The following KIAA1328 variants were observed in gnomAD, a reference collection of about 807,000 sequenced individuals.
KIAA1328 encodes protein hinderin.
Under a neutral mutation model 68.1 loss-of-function variants are expected in KIAA1328, and 52 were observed. The observed-to-expected ratio is 0.76, with a 90% CI of 0.61 to 0.96. KIAA1328 has a LOEUF of 0.96. Ranked by LOEUF, KIAA1328 falls within the 40% of genes least tolerant of loss-of-function variation. KIAA1328 has a pLI of 0.00. For missense variants in KIAA1328, 641 were observed against 677.6 expected (o/e 0.95, Z 0.60); for synonymous variants, 232 against 239.4 (o/e 0.97, Z 0.28).
rs573579866 is a variant in KIAA1328 at position 37,222,369 on chromosome 18, G to T, written c.*142G>T. The T allele has an allele frequency of 1.5e-4, 215 of 1,452,660 alleles. 1 individual carries two copies. Among genetic ancestry groups the T allele is most frequent in the Admixed American group, 1.1e-3 (42 of 37,722 alleles). The allele number at this position is 1,452,660 out of a possible 1,614,324, so 90.0% of individuals were successfully genotyped here. ...AGCATCCTGTTACGTATTGAATATA[G>T]AAATCATTCTAACAACCCAGGTTAT... is the stretch of plus-strand genomic sequence containing the variant. On this transcript the variant is annotated 3_prime_UTR_variant, in exon 10 of 10. Transcript: ENST00000280020.
chr18:37,223,645 A>G lies in KIAA1328; in HGVS notation c.*1418A>G, dbSNP rs1234823348. ...GTTGGTAGACAAAGTCATACCACCC[A>G]GGGCAGCCTGCATGCAGCGAGTCTG... On this transcript the variant is annotated 3_prime_UTR_variant, in exon 10 of 10. Coordinates refer to ENST00000280020, the MANE Select transcript of KIAA1328 (RefSeq NM_020776.3). 1.0e-6 allele frequency: 1 copy of G among 985,288 alleles called. No homozygotes were observed. The highest frequency in any genetic ancestry group is 1.2e-6 in the Non-Finnish European group (1 of 829,938). 61.0% of individuals were successfully genotyped at this position (985,288 alleles called of 1,614,324 possible). A position where few individuals can be genotyped will look rare whatever the true frequency, so the allele number is the denominator to read the frequency against.
intron 6 of KIAA1328, among the ~76,000 whole-genome samples, chr18:37,039,507 G>A (rs1477144610): frequency 6.6e-6 from 1 of 151,920 alleles, no homozygotes; most frequent in Non-Finnish European, 1.5e-5. Flanking sequence ...CCTCATCCCA[G>A]GTTCAAGCAA....
intron 6 of KIAA1328, 122 bp from the exon 7 acceptor site, chr18:37,066,768 T>C (rs2056351754): frequency 1.1e-5 from 10 of 914,746 alleles, no homozygotes; most frequent in Non-Finnish European, 1.1e-5. Flanking sequence ...TATAATTTAA[T>C]ATTTAAGACA....
intron 5 of KIAA1328, among the ~76,000 whole-genome samples, chr18:36,916,105 A>T (rs1297223989): frequency 6.6e-6 from 1 of 152,176 alleles, no homozygotes; most frequent in Non-Finnish European, 1.5e-5. Context: ...TTTTGAACAT[A>T]AACATTTATA....
chr18:37,153,036 G>A (rs1449837462), intron 7 of KIAA1328, among the ~76,000 whole-genome samples: 1 of 152,160 alleles, frequency 6.6e-6, no homozygotes, highest in Non-Finnish European at 1.5e-5. Context: ...ACATGGTGCT[G>A]GCAAGGTAGA....
intron 5 of KIAA1328, among the ~76,000 whole-genome samples, chr18:36,936,117 G>A (rs1015411537): frequency 2.1e-4 from 32 of 151,856 alleles, no homozygotes; most frequent in African/African-American, 7.3e-4. Context: ...GTATTGCTAG[G>A]GTTTTTTCTT....
chr18:36,976,889 C>T (rs920813517), intron 6 of KIAA1328, among the ~76,000 whole-genome samples: 2 of 152,092 alleles, frequency 1.3e-5, no homozygotes, highest in Non-Finnish European at 2.9e-5. Flanking sequence ...TATATGATCT[C>T]AATCTCCCAG....
At chr18:36,864,469 T>G (rs577529756) in intron 4 of KIAA1328, among the ~76,000 whole-genome samples, 104 of 151,132 alleles carry the variant, frequency 6.9e-4, no homozygotes, top group African/African-American at 2.5e-3. Flanking sequence ...GCCCGGCTAA[T>G]TTTTTGTATT....
intron 9 of KIAA1328, among the ~76,000 whole-genome samples, chr18:37,204,429 TACAA>T (rs1225150700): frequency 6.6e-6 from 1 of 152,174 alleles, no homozygotes; most frequent in Non-Finnish European, 1.5e-5. Context: ...ATAGACAATA[TACAA>T]ACAGACATGT....
chr18:36,999,110 A>G (rs2053497941), intron 6 of KIAA1328, among the ~76,000 whole-genome samples: 1 of 152,230 alleles, frequency 6.6e-6, no homozygotes, highest in African/African-American at 2.4e-5. Context: ...TTCTGGAACT[A>G]AAGAATTCAT....
At chr18:37,148,992 G>A (rs897271417) in intron 7 of KIAA1328, among the ~76,000 whole-genome samples, 2 of 152,038 alleles carry the variant, frequency 1.3e-5, no homozygotes, top group African/African-American at 4.8e-5. Flanking sequence ...TGTGAAAATG[G>A]TCATACTACC....
intron 6 of KIAA1328, among the ~76,000 whole-genome samples, chr18:37,041,239 TAC>T: frequency 6.6e-6 from 1 of 151,940 alleles, no homozygotes; most frequent in Non-Finnish European, 1.5e-5. Flanking sequence ...TTGTCAGACT[TAC>T]ATATATTTAT....
intron 8 of KIAA1328, among the ~76,000 whole-genome samples, chr18:37,161,297 G>A (rs2059274118): frequency 6.6e-6 from 1 of 152,122 alleles, no homozygotes; most frequent in African/African-American, 2.4e-5. Flanking sequence ...GTGAGATCTT[G>A]CAGGTGTATA....
chr18:36,888,517 T>C (rs763960332), intron 5 of KIAA1328, among the ~76,000 whole-genome samples: 5 of 152,176 alleles, frequency 3.3e-5, no homozygotes, highest in Non-Finnish European at 7.4e-5. Flanking sequence ...TTGGAGCAAA[T>C]GGTATATCAT....
intron 9 of KIAA1328, among the ~76,000 whole-genome samples, chr18:37,199,549 A>G (rs1051951309): frequency 6.6e-6 from 1 of 152,148 alleles, no homozygotes; most frequent in Non-Finnish European, 1.5e-5. Context: ...TAGTGCTGCA[A>G]TGAACAACAT....
At chr18:37,176,497 C>T (rs1176213855) in intron 9 of KIAA1328, among the ~76,000 whole-genome samples, 2 of 152,198 alleles carry the variant, frequency 1.3e-5, no homozygotes, top group African/African-American at 2.4e-5. Flanking sequence ...ACTTCTGGCT[C>T]TCCACACTGA....
chr18:37,004,892 T>C (rs1261791611), intron 6 of KIAA1328, among the ~76,000 whole-genome samples: 1 of 152,124 alleles, frequency 6.6e-6, no homozygotes. Flanking sequence ...AATTGTGATA[T>C]ATGTATGATG....
chr18:37,088,224 T>C (rs2057162462), intron 7 of KIAA1328, among the ~76,000 whole-genome samples: 1 of 152,216 alleles, frequency 6.6e-6, no homozygotes, highest in South Asian at 2.1e-4. Flanking sequence ...ATAACATCTC[T>C]TCTCTGTTGT....
intron 5 of KIAA1328, chr18:36,946,626 T>C (rs2050912342): frequency 6.6e-6 from 1 of 152,242 alleles, no homozygotes; most frequent in Non-Finnish European, 1.5e-5. Flanking sequence ...TTATTAACCA[T>C]TCTGTGCTGC....
Sources: allele counts gnomAD v4.1 joint callset (sites outside exome capture counted in the v4.1 genomes callset), GRCh38; gene constraint gnomAD v4.1.1; transcripts MANE v1.5; gene names NCBI Gene and HGNC (gene_info 2026-07-23, HGNC 2026-07-21).